EXD3: variants seen among roughly 807,000 people sequenced by gnomAD.
EXD3 encodes exonuclease mut-7 homolog.
A neutral mutation model predicts 98.0 loss-of-function variants in EXD3; 92 were observed. The ratio of observed to expected loss-of-function variants is 0.94; its 90% CI spans 0.79 to 1.12. The LOEUF (loss-of-function observed/expected upper bound fraction) is 1.12, where lower values mean the gene tolerates loss of function less well. EXD3 is among the 50% of genes most tolerant of loss of function. The pLI, the probability that EXD3 is intolerant of heterozygous loss-of-function variation, is 0.00. For missense variants in EXD3, 1,222 were observed against 1,191.6 expected, an observed-to-expected ratio of 1.03 and a Z score of -0.38; for synonymous variants, 569 against 526.0, an observed-to-expected ratio of 1.08 and a Z score of -1.12.
chr9:137,375,706 C>T (rs1442623386), intron 3 of EXD3, among the ~76,000 whole-genome samples: 4 of 151,554 alleles, frequency 2.6e-5, no homozygotes, highest in South Asian at 4.2e-4. Context: ...GAGTTCTAGC[C>T]CTAGTGAGTT....
chr9:137,352,639 G>C lies in EXD3; in HGVS notation c.1018C>G (p.Arg340Gly). The C allele has an allele frequency of 6.5e-7, 1 of 1,546,916 alleles. No individual in the cohort carries two copies. ...LPAAVAVELR[R>G]FRLQGRATEA... The stretch of plus-strand genomic sequence containing the variant: ...GCTCACCTCCCCTGGAGCCTGAACC[G>C]GCGGAGTTCCACAGCCACCGCAGCC... The change falls in exon 11 of 22, where the codon CGG becomes GGG. Residue 340 changes from arginine (R) to glycine (G), a missense_variant. Physicochemically the swap from Arg to Gly is moderately radical, Grantham distance 125. Transcript: ENST00000340951.
At position 137,403,204 on chromosome 9, in the gene EXD3, C is replaced by G. The variant is rs1010507812; in HGVS notation, c.-47-7800G>C. Among the ~76,000 whole-genome samples the G allele has an allele frequency of 6.6e-6, 1 of 151,882 alleles. No homozygotes were observed. Among genetic ancestry groups the G allele is most frequent in the Admixed American group, 6.6e-5 (1 of 15,244 alleles). On this transcript the variant is annotated intron_variant, in intron 1 of 21. Coordinates refer to ENST00000340951, the MANE Select transcript of EXD3 (RefSeq NM_017820.5). The surrounding 1 kb of genome is among the most constrained non-coding windows in gnomAD (Gnocchi z 6.1). ...GCTATGCATATCTGAAAGTGAGGCA[C>G]TAGTCATCTGCTTGGAAATGGGTTG...
intron 1 of EXD3, among the ~76,000 whole-genome samples, chr9:137,417,630 G>A (rs866435952): frequency 1.3e-5 from 2 of 152,196 alleles, no homozygotes; most frequent in Non-Finnish European, 2.9e-5. Context: ...GGCCGCAGAG[G>A]AGGAACGGCC....
intron 3 of EXD3, among the ~76,000 whole-genome samples, chr9:137,382,149 CGGGGAGGAGGTGGGAGCAT>C (rs1836337565): frequency 1.2e-4 from 8 of 66,998 alleles, no homozygotes; most frequent in South Asian, 4.2e-4. Context: ...GGTGAGGGCG[CGGGGAGGAGGTGGGAGCAT>C]GCGGAGGAGG....
intron 8 of EXD3, among the ~76,000 whole-genome samples, chr9:137,355,191 C>T (rs576977424): frequency 7.0e-4 from 106 of 152,224 alleles, no homozygotes; most frequent in African/African-American, 2.5e-3. Flanking sequence ...GGCACACGCA[C>T]GTCCACACCC....
Position 137,352,714 on chromosome 9 carries a change from T to C in EXD3, c.943A>G (p.Thr315Ala). 1 of 1,569,964 alleles carries C rather than the reference T, an allele frequency of 6.4e-7. No homozygotes were observed. The highest frequency in any genetic ancestry group is 1.2e-5 in the South Asian group (1 of 85,474). The change falls in exon 11 of 22, where the codon ACG becomes GCG. Residue 315 changes from threonine (T) to alanine (A), a missense_variant. Coordinates refer to ENST00000340951, the MANE Select transcript of EXD3 (RefSeq NM_017820.5). The part of the protein sequence containing the change: ...QLLVSHSDPV[T>A]AAQCAMELLL... Reference sequence around the variant, plus strand: ...AGTTCCATGGCACACTGGGCGGCCGTGACTGGGTCACTGTGGGAGACCAGC... The same window carrying C: ...AGTTCCATGGCACACTGGGCGGCCGCGACTGGGTCACTGTGGGAGACCAGC...
At chr9:137,391,257 G>C (rs945026356) in intron 2 of EXD3, among the ~76,000 whole-genome samples, 4 of 152,184 alleles carry the variant, frequency 2.6e-5, no homozygotes, top group Non-Finnish European at 4.4e-5. Context: ...GAGCTTCGTA[G>C]GAAAAGTGGC....
chr9:137,307,771 A>C (rs1254562735), intron 20 of EXD3, 125 bp from the exon 21 acceptor site: 31 of 1,048,100 alleles, frequency 3.0e-5, no homozygotes, highest in South Asian at 6.0e-5. Context: ...CTCTTCACAC[A>C]CCCCCCAGCC....
At chr9:137,337,379 G>A (rs1670073267) in intron 17 of EXD3, among the ~76,000 whole-genome samples, 1 of 152,146 alleles carries the variant, frequency 6.6e-6, no homozygotes, top group South Asian at 2.1e-4. Flanking sequence ...TAGGCTGGGT[G>A]CGGTGGCTCA....
At chr9:137,329,916 A>G (rs1245074094) in intron 17 of EXD3, among the ~76,000 whole-genome samples, 2 of 110,750 alleles carry the variant, frequency 1.8e-5, no homozygotes, top group South Asian at 3.2e-4. Context: ...GGGACTACAC[A>G]GGACTACACA....
chr9:137,344,283 A>G (rs908564859), intron 17 of EXD3, among the ~76,000 whole-genome samples: 12 of 152,176 alleles, frequency 7.9e-5, no homozygotes. Context: ...ACCAGTGCAG[A>G]CAACTCATCT....
intron 1 of EXD3, among the ~76,000 whole-genome samples, chr9:137,409,541 ACT>A (rs1391999767): frequency 6.6e-6 from 1 of 151,866 alleles, no homozygotes; most frequent in African/African-American, 2.4e-5. Flanking sequence ...ACATAGCGAG[ACT>A]CTGTTTCTAT....
At chr9:137,417,745 C>T (rs1190676309) in intron 1 of EXD3, among the ~76,000 whole-genome samples, 3 of 152,130 alleles carry the variant, frequency 2.0e-5, no homozygotes, top group Non-Finnish European at 4.4e-5. Flanking sequence ...GTGTGCGCCC[C>T]GGGCACACCG....
chr9:137,366,777 G>T, intron 6 of EXD3, 145 bp from the exon 7 acceptor site: 1 of 1,025,716 alleles, frequency 9.7e-7, no homozygotes, highest in Non-Finnish European at 1.4e-6. Flanking sequence ...CCCGGCCAGT[G>T]CTCACGCTCA....
intron 19 of EXD3, among the ~76,000 whole-genome samples, chr9:137,316,107 G>GGCGCGGC (rs1396719599): frequency 6.6e-6 from 1 of 151,296 alleles, no homozygotes; most frequent in Non-Finnish European, 1.5e-5. Flanking sequence ...GCCTCGGCGG[G>GGCGCGGC]GCGCGGCGCG....
At position 137,416,544 on chromosome 9, in the gene EXD3, C is replaced by T. The variant is rs376664224; in HGVS notation, c.-48+6570G>A. On this transcript the variant is annotated intron_variant, in intron 1 of 21. Coordinates refer to ENST00000340951, the MANE Select transcript of EXD3 (RefSeq NM_017820.5). ...GCCCGGAACCTCGCTGGTCCCCGGG[C>T]AGGCATCCGGACCCTCGTCAGCCCG... Among the ~76,000 whole-genome samples the T allele has an allele frequency of 2.7e-3, 409 of 152,202 alleles. 4 individuals carry two copies. The highest frequency in any genetic ancestry group is 9.4e-3 in the African/African-American group (390 of 41,534).
intron 17 of EXD3, chr9:137,343,530 A>G (rs1427687947): frequency 3.0e-5 from 4 of 135,036 alleles, no homozygotes; most frequent in Admixed American, 2.3e-4. Context: ...ATCCCATGGC[A>G]ATATTTTGAA....
At chr9:137,355,500 GGAGGAAGGAGGAA>G (rs1564508330) in intron 8 of EXD3, among the ~76,000 whole-genome samples, 9 of 82,272 alleles carry the variant, frequency 1.1e-4, no homozygotes, top group African/African-American at 3.8e-4. Flanking sequence ...GATGGAGGAA[GGAGGAAGGAGGAA>G]GGAGGAAGGA....
At chr9:137,323,973 C>A in intron 18 of EXD3, 117 bp from the exon 19 acceptor site, 1 of 1,528,448 alleles carries the variant, frequency 6.5e-7, no homozygotes. Flanking sequence ...AGGGGTACGG[C>A]AGAGGCGCTG....
Sources: gnomAD v4.1 joint callset for allele counts (sites outside exome capture counted in the v4.1 genomes callset) on GRCh38, gnomAD v4.1.1 for gene constraint, Gnocchi (gnomAD v3.1) non-coding constraint, MANE v1.5 for transcripts, NCBI Gene and HGNC (gene_info 2026-07-23, HGNC 2026-07-21) for gene names.